Variants in LMNB1 observed in about 807,000 individuals in gnomAD.
The protein encoded by LMNB1 is lamin-B1.
LMNB1 carries 23 observed loss-of-function variants against 67.1 expected under a neutral mutation model. That is an observed-to-expected ratio of 0.34 (90% CI 0.25 to 0.49). The LOEUF is 0.49. Among genes scored for constraint, LMNB1 ranks in the 20% least tolerant of loss-of-function variants. The pLI, the probability that LMNB1 is intolerant of heterozygous loss-of-function variation, is 0.99. For missense variants in LMNB1, 634 were observed against 746.5 expected (o/e 0.85, Z 1.76); for synonymous variants, 281 against 282.9 (o/e 0.99, Z 0.07).
At chr5:126,784,806 C>T (rs1479729834) in intron 1 of LMNB1, among the ~76,000 whole-genome samples, 1 of 151,518 alleles carries the variant, frequency 6.6e-6, no homozygotes, top group African/African-American at 2.4e-5. Context: ...ACTACAGGCG[C>T]CCTCCACCAC....
chr5:126,823,183 GTTA>G (rs1450283916), intron 8 of LMNB1, among the ~76,000 whole-genome samples: 1 of 152,212 alleles, frequency 6.6e-6, no homozygotes, highest in Non-Finnish European at 1.5e-5. Flanking sequence ...ATAAAGAACT[GTTA>G]AGAATTTAGC....
At chr5:126,783,805 GTTAGAAATCT>G (rs1052733862) in intron 1 of LMNB1, among the ~76,000 whole-genome samples, 4 of 151,984 alleles carry the variant, frequency 2.6e-5, no homozygotes, top group African/African-American at 7.2e-5. Context: ...ATATGTCTGA[GTTAGAAATCT>G]TCAGACTTTT....
chr5:126,799,666 C>T (rs1314578789), intron 1 of LMNB1, among the ~76,000 whole-genome samples: 1 of 152,146 alleles, frequency 6.6e-6, no homozygotes, highest in Non-Finnish European at 1.5e-5. Context: ...TCTTTCTCTT[C>T]CTGGTAGTAC....
chr5:126,806,751 C>T (rs756894255), intron 3 of LMNB1, among the ~76,000 whole-genome samples: 32 of 152,128 alleles, frequency 2.1e-4, no homozygotes, highest in Middle Eastern at 3.4e-3. Context: ...TCTGGAAATG[C>T]GGCTACTCAC....
chr5:126,828,813 G>A (rs189479515), intron 9 of LMNB1, among the ~76,000 whole-genome samples: 8 of 152,096 alleles, frequency 5.3e-5, no homozygotes, highest in Admixed American at 3.9e-4. Context: ...CGTCACCTCG[G>A]CCTCCCAAAG....
At chr5:126,806,697 CAG>C (rs988326972) in intron 3 of LMNB1, among the ~76,000 whole-genome samples, 5 of 152,174 alleles carry the variant, frequency 3.3e-5, no homozygotes, top group African/African-American at 1.2e-4. Context: ...AACCTAATCA[CAG>C]AGGTTACATA....
intron 1 of LMNB1, among the ~76,000 whole-genome samples, chr5:126,803,054 C>T (rs1255450995): frequency 2.0e-5 from 3 of 151,164 alleles, no homozygotes; most frequent in Non-Finnish European, 4.4e-5. Flanking sequence ...GGCCTAGTAC[C>T]GCATGCCTGT....
intron 5 of LMNB1, among the ~76,000 whole-genome samples, chr5:126,817,477 C>T (rs1468522330): frequency 6.6e-6 from 1 of 152,084 alleles, no homozygotes; most frequent in Non-Finnish European, 1.5e-5. Context: ...CATGTGTATG[C>T]ACATATTTAT....
At chr5:126,822,660 T>C in intron 7 of LMNB1, 121 bp from the exon 8 acceptor site, 1 of 564,208 alleles carries the variant, frequency 1.8e-6, no homozygotes, top group Admixed American at 3.7e-5. Context: ...AAACCTGAAA[T>C]GTGGGAAGAT....
In LMNB1 at chr5:126,826,003, G is replaced by C. The variant is rs770347671; in HGVS notation, c.1507G>C (p.Ala503Pro). 1 of 1,613,886 alleles carries C rather than the reference G, an allele frequency of 6.2e-7. No homozygotes were observed. Among genetic ancestry groups the C allele is most frequent in the Non-Finnish European group, 8.5e-7 (1 of 1,179,892 alleles). Residue 503 changes from alanine to proline, a missense_variant, in exon 9 of 11, where the codon GCT (alanine) becomes CCT (proline). Coordinates refer to ENST00000261366, the MANE Select transcript of LMNB1 (RefSeq NM_005573.4). Reference protein sequence around the residue: ...GQTVTIWAANAGVTASPPTDL... With the variant: ...GQTVTIWAANPGVTASPPTDL... Reference sequence around the variant, plus strand: ...TTTTTTACAGATTTGGGCTGCAAACGCTGGTGTCACAGCCAGCCCCCCAAC... The same window carrying C: ...TTTTTTACAGATTTGGGCTGCAAACCCTGGTGTCACAGCCAGCCCCCCAAC...
intron 1 of LMNB1, among the ~76,000 whole-genome samples, chr5:126,800,911 CA>C (rs1416181186): frequency 1.4e-4 from 19 of 135,006 alleles, no homozygotes; most frequent in Non-Finnish European, 3.1e-5. Flanking sequence ...CTCGGCCTCC[CA>C]AAGTGCTGGG....
At chr5:126,815,053 G>A (rs1407472958) in intron 5 of LMNB1, 1 of 151,974 alleles carries the variant, frequency 6.6e-6, no homozygotes, top group Non-Finnish European at 1.5e-5. Flanking sequence ...CAGACTTTAT[G>A]GTAAACAGTA....
intron 4 of LMNB1, 26 bp downstream of exon 4, chr5:126,810,376 T>C (rs372511422): frequency 1.4e-5 from 21 of 1,548,994 alleles, no homozygotes; most frequent in Middle Eastern, 1.8e-4. Context: ...AAGATTCTTT[T>C]GAACACTTAA....
rs886633548 is a variant in LMNB1 at position 126,808,480 on chromosome 5, C to T, written c.643-1700C>T. On this transcript the variant is annotated intron_variant, in intron 3 of 10. Coordinates refer to ENST00000261366, the MANE Select transcript of LMNB1 (RefSeq NM_005573.4). ...CTGGGATTACAGGTGTGAGCCACTACGCTGGCCTTAACTTTTTTTTTTTAC... is the reference window on the plus strand; with the variant it reads ...CTGGGATTACAGGTGTGAGCCACTATGCTGGCCTTAACTTTTTTTTTTTAC... Among the ~76,000 whole-genome samples the T allele has an allele frequency of 5.3e-5, 8 of 151,554 alleles. No homozygotes were observed. The East Asian group carries it at 5.8e-4, about 11-fold the overall frequency.
At chr5:126,798,784 T>TGC (rs1554113596) in intron 1 of LMNB1, among the ~76,000 whole-genome samples, 28 of 151,654 alleles carry the variant, frequency 1.8e-4, no homozygotes, top group African/African-American at 6.5e-4. Flanking sequence ...TGTGTGTGTG[T>TGC]GCGTGTGCTT....
At chr5:126,820,425 C>G (rs1444767530) in intron 6 of LMNB1, among the ~76,000 whole-genome samples, 1 of 152,086 alleles carries the variant, frequency 6.6e-6, no homozygotes, top group East Asian at 1.9e-4. Context: ...ACGATGGGCA[C>G]CTTATGAAGA....
At chr5:126,797,236 T>TA (rs1751127628) in intron 1 of LMNB1, among the ~76,000 whole-genome samples, 1 of 152,252 alleles carries the variant, frequency 6.6e-6, no homozygotes, top group Non-Finnish European at 1.5e-5. Context: ...GTTACATTTA[T>TA]AAAACTTTAT....
intron 1 of LMNB1, among the ~76,000 whole-genome samples, chr5:126,799,495 A>T (rs1751209481): frequency 6.6e-6 from 1 of 152,236 alleles, no homozygotes; most frequent in South Asian, 2.1e-4. Context: ...ATTTTACTTC[A>T]GCATCTGCAA....
rs935468812 is a variant in LMNB1, at chr5:126,836,816, C to T, written c.*552C>T. ...AATATTAACCTAATCACCATGTAAG[C>T]ACTCTGGATGATGGATTCCACAAAA... On this transcript the variant is annotated 3_prime_UTR_variant, in exon 11 of 11. Transcript: ENST00000261366. 2.9e-6 allele frequency: 1 copy of T among 342,566 alleles called. No homozygotes were observed. The highest frequency in any genetic ancestry group is 5.2e-6 in the Non-Finnish European group (1 of 192,504). The allele number at this position is 342,566 out of a possible 1,614,324, so 21.2% of individuals were successfully genotyped here.
Sources: gnomAD v4.1 joint callset for allele counts (sites outside exome capture counted in the v4.1 genomes callset) on GRCh38, gnomAD v4.1.1 for gene constraint, MANE v1.5 for transcripts, NCBI Gene and HGNC (gene_info 2026-07-23, HGNC 2026-07-21) for gene names.